Variants in KLHL29 observed in about 807,000 individuals in gnomAD.
The protein encoded by KLHL29 is kelch-like protein 29.
A neutral mutation model predicts 80.4 loss-of-function variants in KLHL29; 21 were observed. The ratio of observed to expected loss-of-function variants is 0.26; its 90% CI spans 0.19 to 0.38. The LOEUF (loss-of-function observed/expected upper bound fraction) is 0.38, where lower values mean the gene tolerates loss of function less well. KLHL29 is among the 10% of genes least tolerant of loss of function. The pLI, the probability that KLHL29 is intolerant of heterozygous loss-of-function variation, is 1.00. For missense variants in KLHL29, 867 were observed against 1,223.9 expected (o/e 0.71, Z 4.35); for synonymous variants, 511 against 526.8 (o/e 0.97, Z 0.41).
In KLHL29 at chr2:23,512,748, T is replaced by A. The variant is rs113544545; in HGVS notation, c.-46+37081T>A. Reference sequence around the variant, plus strand: ...CAAGCTAAGAACAGAGAGCTTCGCCTCCCAGACTGAAATGAAGCATCCGCT... The same window carrying A: ...CAAGCTAAGAACAGAGAGCTTCGCCACCCAGACTGAAATGAAGCATCCGCT... On this transcript the variant is annotated intron_variant, in intron 2 of 13. Transcript: ENST00000486442. 5.6e-3 allele frequency among the ~76,000 whole-genome samples: 859 copies of A among 152,374 alleles called. 9 individuals carry two copies. The highest frequency in any genetic ancestry group is 0.019 in the African/African-American group (787 of 41,588).
intron 2 of KLHL29, among the ~76,000 whole-genome samples, chr2:23,479,165 A>C: frequency 6.7e-6 from 1 of 149,958 alleles, no homozygotes; most frequent in African/African-American, 2.5e-5. Context: ...TCCCTGGCCC[A>C]CTCTGGGGAC....
At chr2:23,573,988 T>C (rs1315270075) in intron 3 of KLHL29, among the ~76,000 whole-genome samples, 1 of 152,072 alleles carries the variant, frequency 6.6e-6, no homozygotes, top group African/African-American at 2.4e-5. Context: ...GCCTTGAATA[T>C]ATCCAAGCTC....
At chr2:23,649,239 C>G (rs575836818) in intron 5 of KLHL29, among the ~76,000 whole-genome samples, 4 of 152,204 alleles carry the variant, frequency 2.6e-5, no homozygotes, top group African/African-American at 9.6e-5. Flanking sequence ...AGCCCCCACT[C>G]CTGATACACA....
rs779142699 is a variant in KLHL29, at chr2:23,439,614, A to T, written c.-153-35946A>T. Among the ~76,000 whole-genome samples the T allele has an allele frequency of 1.5e-3, 223 of 152,100 alleles. 1 individual carries two copies. The highest frequency in any genetic ancestry group is 2.8e-3 in the Non-Finnish European group (189 of 68,026). On this transcript the variant is annotated intron_variant, in intron 1 of 13. Transcript: ENST00000486442. Reference sequence around the variant, plus strand: ...AGCTTGTTCAGTTTCCATGTAGTTGAGCAGTCTCGAGTGAGTTTCTTAATC... The same window carrying T: ...AGCTTGTTCAGTTTCCATGTAGTTGTGCAGTCTCGAGTGAGTTTCTTAATC...
rs1005858791 is a variant in KLHL29, at chr2:23,412,772, C to T, written c.-154+26992C>T. Among the ~76,000 whole-genome samples the T allele has an allele frequency of 7.9e-5, 12 of 152,126 alleles. 1 individual carries two copies. Among genetic ancestry groups the T allele is most frequent in the Non-Finnish European group, 1.0e-4 (7 of 68,012 alleles). ...GGGTGTAGCTGGCCAGGGTGGTCCACGGGATGCTATGAGGACCACTTGTCT... is the reference window on the plus strand; with the variant it reads ...GGGTGTAGCTGGCCAGGGTGGTCCATGGGATGCTATGAGGACCACTTGTCT... On this transcript the variant is annotated intron_variant, in intron 1 of 13. Coordinates refer to ENST00000486442, the MANE Select transcript of KLHL29 (RefSeq NM_052920.2).
intron 1 of KLHL29, among the ~76,000 whole-genome samples, chr2:23,429,069 C>T (rs764049505): frequency 6.6e-6 from 1 of 152,224 alleles, no homozygotes; most frequent in Non-Finnish European, 1.5e-5. Flanking sequence ...GTTTGGAACT[C>T]ATGGCCAACT....
intron 2 of KLHL29, among the ~76,000 whole-genome samples, chr2:23,529,123 T>A (rs1666419276): frequency 6.6e-6 from 1 of 152,250 alleles, no homozygotes; most frequent in Non-Finnish European, 1.5e-5. Flanking sequence ...CTAATTTTTT[T>A]TAGAGACAAG....
chr2:23,628,274 G>C (rs954111557), intron 3 of KLHL29, among the ~76,000 whole-genome samples: 1 of 152,186 alleles, frequency 6.6e-6, no homozygotes, highest in African/African-American at 2.4e-5. Flanking sequence ...GGGAGTCGCA[G>C]ATAATGGAGA....
chr2:23,689,777 G>A (rs372846422), intron 6 of KLHL29: 2 of 152,402 alleles, frequency 1.3e-5, no homozygotes, highest in East Asian at 1.9e-4. Context: ...TGACCAGATG[G>A]CTCTGGGGCC....
intron 1 of KLHL29, among the ~76,000 whole-genome samples, chr2:23,448,283 T>C (rs1204120340): frequency 6.6e-6 from 1 of 152,168 alleles, no homozygotes; most frequent in Admixed American, 6.5e-5. Flanking sequence ...TAATAAGATT[T>C]GAAACACTTT....
intron 2 of KLHL29, among the ~76,000 whole-genome samples, chr2:23,495,107 C>T (rs374734686): frequency 2.0e-5 from 3 of 152,064 alleles, no homozygotes; most frequent in East Asian, 3.9e-4. Flanking sequence ...GCAATTTTCT[C>T]GAACTCCTGG....
intron 2 of KLHL29, among the ~76,000 whole-genome samples, chr2:23,560,532 G>A (rs1444366038): frequency 6.6e-6 from 1 of 152,162 alleles, no homozygotes; most frequent in Non-Finnish European, 1.5e-5. Context: ...GCCTCCCAAA[G>A]TGCTAGGATT....
rs571031045 is a variant in KLHL29 at position 23,556,508 on chromosome 2, C to T, written c.-45-5644C>T. 3.6e-4 allele frequency among the ~76,000 whole-genome samples: 54 copies of T among 151,886 alleles called. 1 individual carries two copies. The highest frequency in any genetic ancestry group is 6.5e-4 in the Non-Finnish European group (44 of 67,954). On this transcript the variant is annotated intron_variant, in intron 2 of 13. Transcript: ENST00000486442. ...AAAACAAAAAAAATACAAAAATTAGCGGGTGTGGTGATGGGTGCCTGTAAT... is the reference window on the plus strand; with the variant it reads ...AAAACAAAAAAAATACAAAAATTAGTGGGTGTGGTGATGGGTGCCTGTAAT...
chr2:23,419,559 T>C (rs1344011436), intron 1 of KLHL29, among the ~76,000 whole-genome samples: 2 of 152,252 alleles, frequency 1.3e-5, no homozygotes, highest in South Asian at 2.1e-4. Context: ...TGCTCTGTTA[T>C]TTCCAGGGCA....
At chr2:23,447,160 TG>T (rs1337762009) in intron 1 of KLHL29, among the ~76,000 whole-genome samples, 34 of 152,364 alleles carry the variant, frequency 2.2e-4, no homozygotes, top group Admixed American at 2.1e-3. Context: ...TGACTCATGG[TG>T]GCCATCGTGG....
chr2:23,422,928 C>T (rs182856120), intron 1 of KLHL29, among the ~76,000 whole-genome samples: 5 of 152,366 alleles, frequency 3.3e-5, no homozygotes, highest in East Asian at 1.9e-4. Flanking sequence ...TCCAGTCACT[C>T]GCCCACACCT....
chr2:23,451,540 T>TC (rs1247786714), intron 1 of KLHL29, among the ~76,000 whole-genome samples: 1 of 152,192 alleles, frequency 6.6e-6, no homozygotes, highest in Admixed American at 6.5e-5. Context: ...TGCATCTCCC[T>TC]CTTCCCAAGG....
In KLHL29 at chr2:23,682,669, T is replaced by C. The variant is rs546768077; in HGVS notation, c.941-1730T>C. 1.8e-3 allele frequency among the ~76,000 whole-genome samples: 267 copies of C among 152,052 alleles called. No individual in the cohort carries two copies. The highest frequency in any genetic ancestry group is 2.3e-3 in the Non-Finnish European group (158 of 67,968). On this transcript the variant is annotated intron_variant, in intron 5 of 13. Coordinates refer to ENST00000486442, the MANE Select transcript of KLHL29 (RefSeq NM_052920.2). The surrounding 1 kb of genome is among the most constrained non-coding windows in gnomAD (Gnocchi z 4.1). ...ACCTGCACCTGCCCCCTCGTGCTCC[T>C]GCACCCTCCCACACCCTCCCGCACC...
chr2:23,585,263 G>A (rs1242248695), intron 3 of KLHL29, among the ~76,000 whole-genome samples: 2 of 152,230 alleles, frequency 1.3e-5, no homozygotes, highest in African/African-American at 4.8e-5. Flanking sequence ...GTATAAGAAA[G>A]GAGATGGATT....
Sources: allele counts gnomAD v4.1 joint callset (sites outside exome capture counted in the v4.1 genomes callset), GRCh38; gene constraint gnomAD v4.1.1; non-coding constraint Gnocchi (gnomAD v3.1); transcripts MANE v1.5; gene names NCBI Gene and HGNC (gene_info 2026-07-23, HGNC 2026-07-21).